The following TLK1 variants were observed in gnomAD, a reference collection of about 807,000 sequenced individuals.
TLK1 encodes the protein tousled like kinase 1, also known as serine/threonine-protein kinase tousled-like 1.
TLK1 carries 24 observed loss-of-function variants against 105.3 expected under a neutral mutation model. The observed-to-expected ratio is 0.23, with a 90% CI of 0.17 to 0.32. The LOEUF (loss-of-function observed/expected upper bound fraction) is 0.32, where lower values mean the gene tolerates loss of function less well. Ranked by LOEUF, TLK1 falls within the 10% of genes least tolerant of loss-of-function variation. TLK1 has a pLI of 1.00. For missense variants in TLK1, 558 were observed against 910.5 expected (o/e 0.61, Z 4.98); for synonymous variants, 321 against 310.4 (o/e 1.03, Z -0.36).
intron 18 of TLK1, among the ~76,000 whole-genome samples, chr2:170,999,768 A>AT (rs1024335607): frequency 4.0e-5 from 6 of 150,838 alleles, no homozygotes; most frequent in East Asian, 1.9e-4. Flanking sequence ...TTTTATTTTT[A>AT]TTTTTTTTTG....
At chr2:171,175,496 T>A (rs940737645) in intron 1 of TLK1, among the ~76,000 whole-genome samples, 1 of 152,202 alleles carries the variant, frequency 6.6e-6, no homozygotes, top group Non-Finnish European at 1.5e-5. Context: ...CCATTTTATA[T>A]AAGGGACTTG....
chr2:171,118,288 A>G (rs1229996328), intron 1 of TLK1, among the ~76,000 whole-genome samples: 1 of 152,216 alleles, frequency 6.6e-6, no homozygotes, highest in Admixed American at 6.5e-5. Context: ...CCATGGGTCC[A>G]TAGTTTAAAA....
At chr2:171,050,852 C>T (rs1687204681) in intron 8 of TLK1, among the ~76,000 whole-genome samples, 2 of 152,124 alleles carry the variant, frequency 1.3e-5, no homozygotes, top group South Asian at 4.1e-4. Flanking sequence ...GGAACCATTC[C>T]CAGAGCTTCT....
intron 3 of TLK1, among the ~76,000 whole-genome samples, chr2:171,067,427 C>G (rs1688053122): frequency 6.6e-6 from 1 of 152,092 alleles, no homozygotes; most frequent in Admixed American, 6.5e-5. Context: ...TCCCAAAGTG[C>G]TGGGACTACA....
At chr2:171,058,058 C>A in intron 5 of TLK1, 93 bp downstream of exon 5, 1 of 1,323,776 alleles carries the variant, frequency 7.6e-7, no homozygotes, top group South Asian at 1.2e-5. Context: ...AGTAAGTAAT[C>A]AAAAGCTGAC....
chr2:171,076,775 G>A (rs1351199845), intron 3 of TLK1, among the ~76,000 whole-genome samples: 3 of 151,588 alleles, frequency 2.0e-5, no homozygotes, highest in East Asian at 1.9e-4. Context: ...TCAGCCAGGC[G>A]TGGTGGTGGG....
chr2:171,034,976 A>G (rs1686251088), intron 11 of TLK1, among the ~76,000 whole-genome samples: 2 of 152,106 alleles, frequency 1.3e-5, no homozygotes, highest in African/African-American at 4.8e-5. Flanking sequence ...TAACTGAATC[A>G]TGGGGGCAGG....
At chr2:171,027,613 C>G (rs1383991129) in intron 12 of TLK1, among the ~76,000 whole-genome samples, 67 of 152,002 alleles carry the variant, frequency 4.4e-4, no homozygotes, top group Admixed American at 4.4e-3. Context: ...AAAAGATAAG[C>G]CAAAGAAATA....
chr2:171,104,911 T>G (rs1689849193), intron 2 of TLK1, among the ~76,000 whole-genome samples: 1 of 152,188 alleles, frequency 6.6e-6, no homozygotes, highest in African/African-American at 2.4e-5. Flanking sequence ...CCAACTAATC[T>G]TCGACAAAGG....
intron 5 of TLK1, among the ~76,000 whole-genome samples, chr2:171,057,251 G>A (rs1687545593): frequency 6.6e-6 from 1 of 151,976 alleles, no homozygotes; most frequent in East Asian, 1.9e-4. Flanking sequence ...GTAGATTATT[G>A]TCCATTTCAT....
chr2:171,179,761 C>T (rs1174855050), intron 1 of TLK1, among the ~76,000 whole-genome samples: 2 of 151,536 alleles, frequency 1.3e-5, no homozygotes, highest in East Asian at 3.9e-4. Context: ...GGTTCAAGAC[C>T]AGCCTGGCCA....
rs1687434570 is a variant in TLK1 at position 171,055,148 on chromosome 2, T to C, written c.574A>G (p.Thr192Ala). 6.7e-7 allele frequency: 1 copy of C among 1,487,992 alleles called. No homozygotes were observed. The allele number at this position is 1,487,992 out of a possible 1,614,324, so 92.2% of individuals were successfully genotyped here. A position where few individuals can be genotyped will look rare whatever the true frequency, so the allele number is the denominator to read the frequency against. ...GGGTGGTCCCCAAATGCTAATGCAG[T>C]AGGAGAAGGGCTATTCGGTCGAACC... ...SSVRPNSPSP[T>A]ALAFGDHPIV... The change falls in exon 7 of 21, where the codon ACT (threonine) becomes GCT (alanine). Residue 192 changes from threonine (T) to alanine (A), a missense_variant. Around this residue, in one of 5 missense-constraint regions of TLK1, gnomAD observed 196 missense variants for 239.3 expected, o/e 0.82. Coordinates refer to ENST00000431350, the MANE Select transcript of TLK1 (RefSeq NM_012290.5).
intron 2 of TLK1, among the ~76,000 whole-genome samples, chr2:171,092,413 A>G (rs1349204860): frequency 1.3e-5 from 2 of 152,178 alleles, no homozygotes; most frequent in Admixed American, 6.5e-5. Context: ...TACCATCCAC[A>G]TTCTTATCAG....
intron 3 of TLK1, chr2:171,067,021 C>A: frequency 6.7e-7 from 1 of 1,486,096 alleles, no homozygotes; most frequent in South Asian, 1.4e-5. Flanking sequence ...CATTGTGACA[C>A]TCACAATGGA....
intron 1 of TLK1, among the ~76,000 whole-genome samples, chr2:171,206,454 G>C (rs1693508664): frequency 6.6e-6 from 1 of 152,186 alleles, no homozygotes; most frequent in Non-Finnish European, 1.5e-5. Context: ...ATGTTCTAAA[G>C]AGGGAGGCTG....
chr2:171,194,539 T>C (rs188591669), intron 1 of TLK1, among the ~76,000 whole-genome samples: 55 of 152,144 alleles, frequency 3.6e-4, no homozygotes, highest in African/African-American at 1.1e-3. Context: ...CACTGTGGGC[T>C]GGGCGCGGTG....
intron 1 of TLK1, among the ~76,000 whole-genome samples, chr2:171,142,690 TTGTC>T (rs1346133195): frequency 1.3e-5 from 2 of 152,194 alleles, no homozygotes; most frequent in Non-Finnish European, 2.9e-5. Context: ...TAACAAACCT[TTGTC>T]TGAATAGGAG....
At chr2:171,107,645 G>C (rs892148919) in intron 2 of TLK1, among the ~76,000 whole-genome samples, 1 of 152,220 alleles carries the variant, frequency 6.6e-6, no homozygotes, top group African/African-American at 2.4e-5. Flanking sequence ...GAAATGTCTT[G>C]TGTCTGAAAA....
intron 3 of TLK1, among the ~76,000 whole-genome samples, chr2:171,071,985 G>T (rs984400488): frequency 1.3e-5 from 2 of 152,134 alleles, no homozygotes; most frequent in African/African-American, 2.4e-5. Context: ...GTACAATGCT[G>T]TTTTGATTAC....
Sources: allele counts gnomAD v4.1 joint callset (sites outside exome capture counted in the v4.1 genomes callset), GRCh38; gene constraint gnomAD v4.1.1; regional missense constraint gnomAD v4.1.1; transcripts MANE v1.5; gene names NCBI Gene and HGNC (gene_info 2026-07-23, HGNC 2026-07-21).